Variants in CSNK1G3 observed in about 807,000 individuals in gnomAD.
CSNK1G3 encodes the protein casein kinase I isoform gamma-3.
CSNK1G3 carries 23 observed loss-of-function variants against 64.3 expected under a neutral mutation model. That is an observed-to-expected ratio of 0.36 (90% CI 0.26 to 0.51). The LOEUF is 0.51. Ranked by LOEUF, CSNK1G3 falls within the 20% of genes least tolerant of loss-of-function variation. CSNK1G3 has a pLI of 0.96. For synonymous variants in CSNK1G3, 158 were observed against 162.2 expected (o/e 0.97, Z 0.20); for missense variants, 357 against 510.5 (o/e 0.70, Z 2.90).
intron 10 of CSNK1G3, among the ~76,000 whole-genome samples, chr5:123,595,702 A>G (rs1374478663): frequency 6.6e-6 from 1 of 152,086 alleles, no homozygotes; most frequent in Non-Finnish European, 1.5e-5. Context: ...AATAAATTGT[A>G]TGGCTTTTTA....
chr5:123,551,472 T>C (rs893783558), intron 2 of CSNK1G3, among the ~76,000 whole-genome samples: 6 of 152,212 alleles, frequency 3.9e-5, no homozygotes, highest in Non-Finnish European at 8.8e-5. Flanking sequence ...TTTTGCCAAC[T>C]GTATTGAGTT....
chr5:123,607,903 A>G (rs952207542), intron 12 of CSNK1G3, among the ~76,000 whole-genome samples: 1 of 152,036 alleles, frequency 6.6e-6, no homozygotes, highest in African/African-American at 2.4e-5. Context: ...ACATTTCTAC[A>G]CGTTTGTTAT....
At chr5:123,531,188 A>C (rs956777258) in intron 1 of CSNK1G3, among the ~76,000 whole-genome samples, 1 of 152,122 alleles carries the variant, frequency 6.6e-6, no homozygotes, top group Non-Finnish European at 1.5e-5. Flanking sequence ...TTAAATTTCC[A>C]TTTGTTGTAA....
chr5:123,523,522 G>C (rs1580871174), intron 1 of CSNK1G3, among the ~76,000 whole-genome samples: 2 of 152,030 alleles, frequency 1.3e-5, no homozygotes, highest in South Asian at 2.1e-4. Flanking sequence ...AATTGGATTT[G>C]GCAGTTCTAT....
intron 1 of CSNK1G3, among the ~76,000 whole-genome samples, chr5:123,513,277 C>G (rs1424486727): frequency 6.6e-6 from 1 of 152,066 alleles, no homozygotes; most frequent in African/African-American, 2.4e-5. Context: ...GTCTCTTGGT[C>G]CACAGCCTCC....
At chr5:123,597,722 T>G (rs547533770) in intron 10 of CSNK1G3, among the ~76,000 whole-genome samples, 4 of 152,104 alleles carry the variant, frequency 2.6e-5, no homozygotes, top group Non-Finnish European at 4.4e-5. Context: ...AAGTTGAGAG[T>G]TACCAGGTTG....
intron 1 of CSNK1G3, among the ~76,000 whole-genome samples, chr5:123,519,998 C>G (rs570010108): frequency 6.6e-6 from 1 of 152,226 alleles, no homozygotes; most frequent in East Asian, 1.9e-4. Flanking sequence ...AAAAATTTAA[C>G]CAGAAGTTTT....
intron 6 of CSNK1G3, among the ~76,000 whole-genome samples, chr5:123,587,542 G>A (rs1791554662): frequency 6.6e-6 from 1 of 152,184 alleles, no homozygotes; most frequent in Admixed American, 6.5e-5. Flanking sequence ...GGTTATTAAT[G>A]TTGGTATGTG....
intron 6 of CSNK1G3, among the ~76,000 whole-genome samples, chr5:123,584,807 G>A (rs1401674338): frequency 2.6e-5 from 4 of 152,134 alleles, no homozygotes; most frequent in Admixed American, 2.6e-4. Context: ...TTAGTTATTA[G>A]TAGCTTTCAA....
At chr5:123,597,291 G>A (rs114868156) in intron 10 of CSNK1G3, among the ~76,000 whole-genome samples, 1,795 of 152,122 alleles carry the variant, frequency 0.012, 40 homozygotes, top group African/African-American at 0.04. Flanking sequence ...ACTTTATATG[G>A]CAATTAAAAA....
chr5:123,554,949 TTA>T (rs1403505495), intron 3 of CSNK1G3, among the ~76,000 whole-genome samples: 2 of 152,332 alleles, frequency 1.3e-5, no homozygotes, highest in South Asian at 4.1e-4. Flanking sequence ...GTCCTGTTAT[TTA>T]TAGATTTGGA....
At chr5:123,555,563 A>C (rs1025844596) in intron 3 of CSNK1G3, among the ~76,000 whole-genome samples, 6 of 152,134 alleles carry the variant, frequency 3.9e-5, no homozygotes, top group Admixed American at 3.9e-4. Flanking sequence ...TATCTCTTAC[A>C]AAGATTTTTT....
At position 123,588,424 on chromosome 5, in the gene CSNK1G3, T is replaced by C; in HGVS notation, c.760-3T>C. 6.2e-6 allele frequency: 10 copies of C among 1,607,628 alleles called. No homozygotes were observed. The highest frequency in any genetic ancestry group is 8.5e-6 in the Non-Finnish European group (10 of 1,174,304). ...TTCTCAAGATTTTTTTTTTCTGTTT[T>C]AGGCTGACACATTAAAGGAGAGGTA... On this transcript the variant is annotated splice_polypyrimidine_tract_variant and splice_region_variant and intron_variant, in intron 7 of 12. Transcript: ENST00000345990.
exon 13 of CSNK1G3, chr5:123,615,477 T>C (rs1182476899): frequency 6.6e-6 from 1 of 152,604 alleles, no homozygotes; most frequent in African/African-American, 2.4e-5. Context: ...TGTATTCAAC[T>C]TTGCTGATTC....
In CSNK1G3 at chr5:123,593,326, T is replaced by C. The variant is rs952597066; in HGVS notation, c.1086+1912T>C. 9.2e-5 allele frequency among the ~76,000 whole-genome samples: 14 copies of C among 152,052 alleles called. No individual in the cohort carries two copies. The South Asian group carries it at 1.7e-3, about 18-fold the overall frequency. On this transcript the variant is annotated intron_variant, in intron 10 of 12. Coordinates refer to ENST00000345990, the Ensembl canonical transcript of CSNK1G3. ...TCATCATGATAGAAAAGTTGTATAT[T>C]TAAAAAAAACTTCTTAAATATCTCT...
chr5:123,550,803 C>T (rs1037496075), intron 2 of CSNK1G3, among the ~76,000 whole-genome samples: 1 of 152,164 alleles, frequency 6.6e-6, no homozygotes, highest in African/African-American at 2.4e-5. Context: ...ATACTTTGTG[C>T]ATCATTTGTT....
intron 8 of CSNK1G3, 77 bp downstream of exon 8, chr5:123,588,588 T>A: frequency 1.1e-6 from 1 of 899,564 alleles, no homozygotes. Flanking sequence ...AGTTTATACA[T>A]ATTTTTTTCT....
chr5:123,559,702 G>GTT (rs11357811), intron 4 of CSNK1G3, among the ~76,000 whole-genome samples: 5 of 132,422 alleles, frequency 3.8e-5, no homozygotes, highest in Non-Finnish European at 8.1e-5. Context: ...ATTTTTTGTG[G>GTT]TTTTTTTTTT....
chr5:123,595,129 G>T, intron 10 of CSNK1G3: 1 of 1,613,016 alleles, frequency 6.2e-7, no homozygotes, highest in Non-Finnish European at 8.5e-7. Context: ...TGGTGGCTCG[G>T]TACAGGTATT....
Sources: gnomAD v4.1 joint callset for allele counts (sites outside exome capture counted in the v4.1 genomes callset) on GRCh38, gnomAD v4.1.1 for gene constraint, MANE v1.5 for transcripts, NCBI Gene and HGNC (gene_info 2026-07-23, HGNC 2026-07-21) for gene names.